PHF12: variants seen among roughly 807,000 people sequenced by gnomAD.
PHF12 encodes PHD factor 1.
In PHF12, 6 loss-of-function variants were observed where a neutral mutation model predicts 99.8. The ratio of observed to expected loss-of-function variants is 0.06; its 90% confidence interval spans 0.03 to 0.12. PHF12 has a LOEUF of 0.12. Ranked by LOEUF, PHF12 falls within the 10% of genes least tolerant of loss-of-function variation. The pLI, the probability that PHF12 is intolerant of heterozygous loss-of-function variation, is 1.00. For missense variants in PHF12, 954 were observed against 1,300.1 expected (o/e 0.73, Z 4.09); for synonymous variants, 480 against 514.9 (o/e 0.93, Z 0.92).
chr17:28,950,381 G>T lies in PHF12; in HGVS notation c.67-135C>A. On this transcript the variant is annotated intron_variant, in intron 1 of 14. Transcript: ENST00000332830. The surrounding 1 kb of genome is among the most constrained non-coding windows in gnomAD (Gnocchi z 5.7). ...CTTCCTCCCATCCAGGCTGCTCCCA[G>T]AATCTCTCAGCCCCCGGAACCAGGG... 1 of 1,005,220 alleles carries T rather than the reference G, an allele frequency of 9.9e-7. No individual in the cohort carries two copies. Among genetic ancestry groups the T allele is most frequent in the Non-Finnish European group, 1.4e-6 (1 of 707,910 alleles). The allele number at this position is 1,005,220 out of a possible 1,614,324, so 62.3% of individuals were successfully genotyped here.
chr17:28,934,138 G>A (rs1394447346), intron 2 of PHF12, among the ~76,000 whole-genome samples: 2 of 152,214 alleles, frequency 1.3e-5, no homozygotes, highest in South Asian at 2.1e-4. Flanking sequence ...AATGTGCTAA[G>A]TGCTGGTATT....
chr17:28,935,256 CTATTT>C (rs142341605), intron 2 of PHF12, among the ~76,000 whole-genome samples: 2,476 of 152,196 alleles, frequency 0.016, 57 homozygotes, highest in African/African-American at 0.056. Flanking sequence ...TTACAACTCA[CTATTT>C]TATTTTATTT....
Position 28,921,816 on chromosome 17 carries a change from A to C in PHF12, c.716-8T>G, listed in dbSNP as rs1461277207. On this transcript the variant is annotated splice_region_variant and splice_polypyrimidine_tract_variant and intron_variant, in intron 4 of 14. Transcript: ENST00000332830. ...TTCTCCTCTTGCTAGAACCTAGAAA[A>C]GAAAATGATGGTGCTGAGCTATCCC... 2 of 1,613,900 alleles carry C rather than the reference A, an allele frequency of 1.2e-6. No individual in the cohort carries two copies. The highest frequency in any genetic ancestry group is 8.5e-7 in the Non-Finnish European group (1 of 1,179,978).
At chr17:28,938,926 C>A (rs1220955913) in intron 2 of PHF12, among the ~76,000 whole-genome samples, 1 of 152,196 alleles carries the variant, frequency 6.6e-6, no homozygotes, top group Non-Finnish European at 1.5e-5. Context: ...TCAGATGGTC[C>A]CTAACCAAAG....
At chr17:28,908,568 C>A (rs1011694278) in intron 12 of PHF12, 33 of 558,494 alleles carry the variant, frequency 5.9e-5, no homozygotes, top group Non-Finnish European at 9.0e-5. Flanking sequence ...GTTCCTCCTG[C>A]CTTGTCCTCC....
chr17:28,936,600 A>C (rs1158854157), intron 2 of PHF12, among the ~76,000 whole-genome samples: 2 of 152,192 alleles, frequency 1.3e-5, no homozygotes, highest in Non-Finnish European at 2.9e-5. Context: ...CAGGAATCAG[A>C]AGCTCTCTAG....
At chr17:28,913,637 T>G (rs1021407680) in intron 8 of PHF12, among the ~76,000 whole-genome samples, 1 of 152,178 alleles carries the variant, frequency 6.6e-6, no homozygotes, top group Admixed American at 6.5e-5. Flanking sequence ...CAGTATAGAT[T>G]TGCCCATCTC....
At chr17:28,929,279 G>C (rs1263161034) in intron 2 of PHF12, among the ~76,000 whole-genome samples, 1 of 150,042 alleles carries the variant, frequency 6.7e-6, no homozygotes, top group Non-Finnish European at 1.5e-5. Flanking sequence ...TTTTGCTCTT[G>C]TTGCCCAGGC....
chr17:28,906,101 A>C lies in PHF12; in HGVS notation c.*82T>G. On this transcript the variant is annotated 3_prime_UTR_variant, in exon 15 of 15. Transcript: ENST00000332830. This position sits in a 1 kb window ranked among gnomAD's most constrained non-coding sequence, Gnocchi z 4.2. ...GGGTTTCTGGTAGAGTATAGAAAAC[A>C]CCCGGGCTTGGTTTGTGTACATTTT... 2.8e-5 allele frequency: 37 copies of C among 1,333,874 alleles called. No homozygotes were observed. Among genetic ancestry groups the C allele is most frequent in the Non-Finnish European group, 3.7e-5 (36 of 983,050 alleles). 82.6% of individuals were successfully genotyped at this position (1,333,874 alleles called of 1,614,324 possible).
At chr17:28,919,036 G>A (rs1000523708) in intron 6 of PHF12, 107 bp downstream of exon 6, 5 of 1,399,432 alleles carry the variant, frequency 3.6e-6, no homozygotes, top group Middle Eastern at 4.4e-4. Flanking sequence ...CAGTACCTAT[G>A]ACAATGTGGT....
chr17:28,930,797 G>A (rs997085324), intron 2 of PHF12, among the ~76,000 whole-genome samples: 3 of 152,206 alleles, frequency 2.0e-5, no homozygotes, highest in African/African-American at 4.8e-5. Flanking sequence ...CTGGCCGGGT[G>A]CAGTAGCTCA....
Position 28,906,195 on chromosome 17 carries a change from G to A in PHF12, c.3003C>T (p.Asn1001=). ...GTAGCCGCCAGTCCTAAGGAACAGA[G>A]TTGGAGCGCAGCACAGGGCCCTGGT... ...KPHQGPVLRS[N]SVP The change falls in exon 15 of 15, where the codon AAC becomes AAT. Residue 1001 remains asparagine, a synonymous_variant. Coordinates refer to ENST00000332830, the MANE Select transcript of PHF12 (RefSeq NM_001033561.2). The surrounding 1 kb of genome is among the most constrained non-coding windows in gnomAD (Gnocchi z 4.2). 6.3e-7 allele frequency: 1 copy of A among 1,593,600 alleles called. No homozygotes were observed. Among genetic ancestry groups the A allele is most frequent in the Non-Finnish European group, 8.6e-7 (1 of 1,166,120 alleles).
Position 28,950,760 on chromosome 17 carries a change from G to A in PHF12, c.66+135C>T. ...AGCCCCCTAAATTGCAAAGAGGGGA[G>A]GGAGAGGCTAGGTGAGGAAGAATCC... On this transcript the variant is annotated intron_variant, in intron 1 of 14. Coordinates refer to ENST00000332830, the MANE Select transcript of PHF12 (RefSeq NM_001033561.2). This position sits in a 1 kb window ranked among gnomAD's most constrained non-coding sequence, Gnocchi z 5.7. The A allele has an allele frequency of 2.9e-5, 38 of 1,306,766 alleles. No individual in the cohort carries two copies. Among genetic ancestry groups the A allele is most frequent in the Non-Finnish European group, 3.9e-5 (38 of 973,118 alleles). 80.9% of individuals were successfully genotyped at this position (1,306,766 alleles called of 1,614,324 possible).
chr17:28,918,724 G>C (rs940828900), intron 6 of PHF12, among the ~76,000 whole-genome samples: 3 of 152,172 alleles, frequency 2.0e-5, no homozygotes, highest in Non-Finnish European at 4.4e-5. Context: ...AAGACTCTTG[G>C]AAGAGAAAGC....
chr17:28,936,984 A>G (rs2040522511), intron 2 of PHF12, among the ~76,000 whole-genome samples: 1 of 152,220 alleles, frequency 6.6e-6, no homozygotes, highest in Admixed American at 6.5e-5. Flanking sequence ...GAAGGTGATC[A>G]CTGAAAGGAC....
In PHF12 at chr17:28,937,467, A is replaced by C. The variant is rs917896290; in HGVS notation, c.249-10404T>G. 2.8e-4 allele frequency among the ~76,000 whole-genome samples: 42 copies of C among 152,354 alleles called. 1 individual carries two copies. Among genetic ancestry groups the C allele is most frequent in the Middle Eastern group, 6.8e-3 (2 of 294 alleles). ...TGTTGGGTTTCTCATGCAAAGCCTC[A>C]GTGAGAGTGTTAACAAGGAAACAAA... is the stretch of plus-strand genomic sequence containing the variant. On this transcript the variant is annotated intron_variant, in intron 2 of 14. Transcript: ENST00000332830.
chr17:28,950,836 C>G lies in PHF12; in HGVS notation c.66+59G>C. ...CGAGTTTAGGACTGGCTTTGTGGGGCGGAGGGCGGAGGTTCCCTCCCGGCG... is the reference window on the plus strand; with the variant it reads ...CGAGTTTAGGACTGGCTTTGTGGGGGGGAGGGCGGAGGTTCCCTCCCGGCG... On this transcript the variant is annotated intron_variant, in intron 1 of 14. Coordinates refer to ENST00000332830, the MANE Select transcript of PHF12 (RefSeq NM_001033561.2). This position sits in a 1 kb window ranked among gnomAD's most constrained non-coding sequence, Gnocchi z 5.7. 1 of 1,600,616 alleles carries G rather than the reference C, an allele frequency of 6.2e-7. No individual in the cohort carries two copies. The highest frequency in any genetic ancestry group is 8.5e-7 in the Non-Finnish European group (1 of 1,172,058).
In PHF12 at chr17:28,923,982, A is replaced by G. The variant is rs2040218285; in HGVS notation, c.642T>C (p.Ile214=). ...TGGGGTTCCGCTCCATGGCGGCAGC[A>G]ATCAGCAGCTCAAAGGGCCGCCTCA... ...PQLRRPFELL[I]AAAMERNPTQ... Residue 214 remains isoleucine (I), a synonymous_variant, in exon 4 of 15, where the codon ATT becomes ATC. Transcript: ENST00000332830. 3 of 1,613,990 alleles carry G rather than the reference A, an allele frequency of 1.9e-6. No individual in the cohort carries two copies. Among genetic ancestry groups the G allele is most frequent in the African/African-American group, 1.3e-5 (1 of 74,928 alleles).
chr17:28,934,017 A>G (rs889330386), intron 2 of PHF12, among the ~76,000 whole-genome samples: 9 of 152,198 alleles, frequency 5.9e-5, no homozygotes, highest in African/African-American at 1.9e-4. Flanking sequence ...ACTACACCCC[A>G]ACCTGGGCTT....
Sources: gnomAD v4.1 joint callset for allele counts (sites outside exome capture counted in the v4.1 genomes callset) on GRCh38, gnomAD v4.1.1 for gene constraint, Gnocchi (gnomAD v3.1) non-coding constraint, MANE v1.5 for transcripts, NCBI Gene and HGNC (gene_info 2026-07-23, HGNC 2026-07-21) for gene names.